The following IQCK variants were observed in gnomAD, a reference collection of about 807,000 sequenced individuals.
The protein encoded by IQCK is IQ domain-containing protein K.
IQCK carries 29 observed loss-of-function variants against 28.1 expected under a neutral mutation model. The ratio of observed to expected loss-of-function variants is 1.03; its 90% CI spans 0.77 to 1.41. IQCK has a LOEUF of 1.41. IQCK is among the 40% of genes most tolerant of loss of function. The pLI, the probability that IQCK is intolerant of heterozygous loss-of-function variation, is 0.00. For synonymous variants in IQCK, 113 were observed against 115.1 expected (o/e 0.98, Z 0.12); for missense variants, 359 against 314.7 (o/e 1.14, Z -1.07).
chr16:19,834,966 A>G (rs954461964), intron 9 of IQCK, among the ~76,000 whole-genome samples: 2 of 152,186 alleles, frequency 1.3e-5, no homozygotes, highest in African/African-American at 2.4e-5. Context: ...CCATTCATCT[A>G]TCAACATACA....
At chr16:19,734,448 A>C (rs1457519635) in intron 3 of IQCK, among the ~76,000 whole-genome samples, 33 of 137,472 alleles carry the variant, frequency 2.4e-4, no homozygotes, top group African/African-American at 1.0e-3. Flanking sequence ...CAACAGACTA[A>C]GACTCCATCA....
chr16:19,775,628 T>G (rs1230543124), intron 6 of IQCK, among the ~76,000 whole-genome samples: 1 of 152,188 alleles, frequency 6.6e-6, no homozygotes, highest in Non-Finnish European at 1.5e-5. Flanking sequence ...AGCTTACTTC[T>G]TGCTCACAAA....
At chr16:19,858,069 C>A (rs227764) in exon 10 of IQCK, 94,731 of 156,470 alleles carry the variant, frequency 0.61, 30,894 homozygotes, top group East Asian at 0.85. Flanking sequence ...TGTTTACACA[C>A]GCAGATCTTA....
chr16:19,736,110 A>G (rs1597504626), intron 4 of IQCK: 1 of 455,846 alleles, frequency 2.2e-6, no homozygotes. Flanking sequence ...ACTTGGCTCT[A>G]GATTGATTGT....
At chr16:19,843,655 G>A (rs1829854931) in intron 9 of IQCK, among the ~76,000 whole-genome samples, 2 of 152,204 alleles carry the variant, frequency 1.3e-5, no homozygotes, top group Admixed American at 6.5e-5. Context: ...TCTGGAGACT[G>A]TAAGTCTGAG....
chr16:19,775,868 T>G (rs1470779670), intron 6 of IQCK, among the ~76,000 whole-genome samples: 1 of 14,764 alleles, frequency 6.8e-5, no homozygotes, highest in African/African-American at 4.4e-4. Context: ...GGCACAGGCT[T>G]TTTTTTTTTT....
At chr16:19,785,460 C>T (rs1790155472) in intron 6 of IQCK, among the ~76,000 whole-genome samples, 2 of 152,148 alleles carry the variant, frequency 1.3e-5, no homozygotes, top group African/African-American at 4.8e-5. Flanking sequence ...CACTGACATC[C>T]TAGAACTAAA....
At chr16:19,799,378 C>G (rs2055729257) in intron 7 of IQCK, among the ~76,000 whole-genome samples, 1 of 92,418 alleles carries the variant, frequency 1.1e-5, no homozygotes, top group Non-Finnish European at 1.8e-5. Flanking sequence ...TCAAGCGATT[C>G]TCCTGCCTCA....
chr16:19,763,946 C>A, intron 5 of IQCK, 46 bp downstream of exon 5: 2 of 1,594,698 alleles, frequency 1.3e-6, no homozygotes, highest in South Asian at 2.2e-5. Context: ...AGAATTCAGT[C>A]GTGTTAATTT....
chr16:19,834,619 G>C (rs1201794847), intron 9 of IQCK, among the ~76,000 whole-genome samples: 1 of 152,196 alleles, frequency 6.6e-6, no homozygotes, highest in Admixed American at 6.5e-5. Flanking sequence ...AGGAGGCTGA[G>C]AGCCCCATTC....
chr16:19,812,896 G>A (rs1170353919), intron 7 of IQCK, among the ~76,000 whole-genome samples: 1 of 152,240 alleles, frequency 6.6e-6, no homozygotes, highest in Non-Finnish European at 1.5e-5. Flanking sequence ...AGAAATGAAA[G>A]CAATTGAATC....
At chr16:19,722,898 G>C (rs1977540189) in intron 1 of IQCK, among the ~76,000 whole-genome samples, 1 of 151,982 alleles carries the variant, frequency 6.6e-6, no homozygotes, top group African/African-American at 2.4e-5. Context: ...TGTATTTTTA[G>C]GTGGGGTTTC....
chr16:19,802,596 C>A (rs2055773293), intron 7 of IQCK, among the ~76,000 whole-genome samples: 1 of 138,914 alleles, frequency 7.2e-6, no homozygotes, highest in African/African-American at 2.8e-5. Flanking sequence ...CTCTATTTTC[C>A]TGAATAGGGG....
In IQCK at chr16:19,759,400, G is replaced by T. The variant is rs144710669; in HGVS notation, c.475-4448G>T. On this transcript the variant is annotated intron_variant, in intron 4 of 7. Coordinates refer to ENST00000564186, the Ensembl canonical transcript of IQCK. ...ATTTTAGTATTTTTAGTAGAGATGG[G>T]GTTTTGCCATGTTGGCCAGGCTGGT... 3.4e-3 allele frequency among the ~76,000 whole-genome samples: 521 copies of T among 152,108 alleles called. 2 individuals are homozygous for T. The highest frequency in any genetic ancestry group is 0.011 in the African/African-American group (468 of 41,496).
intron 9 of IQCK, among the ~76,000 whole-genome samples, chr16:19,845,597 C>T (rs774661131): frequency 6.6e-6 from 1 of 152,044 alleles, no homozygotes; most frequent in Non-Finnish European, 1.5e-5. Context: ...CAGCTAATTG[C>T]AAAATGGAGT....
rs2055823059 is a variant in IQCK, at chr16:19,805,591, G to A, written c.690+16669G>A. ...ATAGTAACATAATGTCAAAGAGTGT[G>A]TCAGTTAGCTATTGTCACAATAATG... On this transcript the variant is annotated intron_variant, in intron 7 of 7. Transcript: ENST00000564186. 4.6e-5 allele frequency among the ~76,000 whole-genome samples: 7 copies of A among 152,124 alleles called. No homozygotes were observed. In the South Asian group the frequency reaches 1.4e-3, roughly 31 times the overall value.
intron 4 of IQCK, among the ~76,000 whole-genome samples, chr16:19,759,966 A>G (rs2055113248): frequency 6.6e-6 from 1 of 151,872 alleles, no homozygotes; most frequent in South Asian, 2.1e-4. Flanking sequence ...CTCTACAGAA[A>G]GTTTTAAAAG....
chr16:19,810,679 G>A (rs538516214), intron 7 of IQCK, among the ~76,000 whole-genome samples: 5 of 151,356 alleles, frequency 3.3e-5, no homozygotes, highest in African/African-American at 9.7e-5. Context: ...AGTGGTGGGC[G>A]CCTGTAATCC....
chr16:19,719,138 G>T (rs1040663229), intron 1 of IQCK, among the ~76,000 whole-genome samples: 2 of 152,060 alleles, frequency 1.3e-5, no homozygotes, highest in South Asian at 4.1e-4. Flanking sequence ...CACCTATTTC[G>T]ATGGTGTTAA....
Sources: gnomAD v4.1 joint callset for allele counts (sites outside exome capture counted in the v4.1 genomes callset) on GRCh38, gnomAD v4.1.1 for gene constraint, MANE v1.5 for transcripts, NCBI Gene and HGNC (gene_info 2026-07-23, HGNC 2026-07-21) for gene names.